Variants in OTOG observed in about 807,000 individuals in gnomAD.
The protein encoded by OTOG is otogelin.
Under a neutral mutation model 313.8 loss-of-function variants are expected in OTOG, and 296 were observed. That is an observed-to-expected ratio of 0.94 (90% CI 0.86 to 1.04). The LOEUF is 1.04. Among genes scored for constraint, OTOG ranks in the 50% least tolerant of loss-of-function variants. The probability of loss-of-function intolerance (pLI) is 0.00; values close to 1 mark genes in which losing one functional copy is unlikely to be tolerated. For synonymous variants in OTOG, 1,533 were observed against 1,554.9 expected (o/e 0.99, Z 0.33); for missense variants, 3,948 against 3,840.1 (o/e 1.03, Z -0.74).
intron 15 of OTOG, among the ~76,000 whole-genome samples, chr11:17,562,046 A>T (rs867346209): frequency 1.6e-4 from 22 of 139,838 alleles, no homozygotes; most frequent in East Asian, 4.1e-4. Flanking sequence ...CTAAAAAAAA[A>T]ATATATATAT....
rs552134946 is a variant in OTOG at position 17,612,167 on chromosome 11, C to G, written c.6129C>G (p.Ile2043Met). ...EANTSTTCVP[I>M]AEQDCVRHIC... ...TTCCTCCACTCTGTACCCAGCCAAT[C>G]GCCGAGCAGGACTGCGTCCGCCACA... is the stretch of plus-strand genomic sequence containing the variant. Residue 2043 changes from isoleucine (I) to methionine (M), a missense_variant, in exon 37 of 56, where the codon ATC becomes ATG. Physicochemically the swap from Ile to Met is conservative, Grantham distance 10. Transcript: ENST00000399397. The G allele has an allele frequency of 9.7e-6, 15 of 1,549,412 alleles. No homozygotes were observed. The East Asian group carries it at 3.2e-4, about 33-fold the overall frequency.
chr11:17,607,769 T>C (rs2134085335), intron 33 of OTOG, among the ~76,000 whole-genome samples: 1 of 152,268 alleles, frequency 6.6e-6, no homozygotes, highest in East Asian at 1.9e-4. Flanking sequence ...CAGGAACGCT[T>C]TGGGCTAGAG....
At chr11:17,619,098 A>G (rs1853801350) in intron 39 of OTOG, among the ~76,000 whole-genome samples, 1 of 152,142 alleles carries the variant, frequency 6.6e-6, no homozygotes, top group Non-Finnish European at 1.5e-5. Flanking sequence ...CACAATCCCT[A>G]CTAAAAATAT....
At chr11:17,638,789 G>T (rs1438279665) in intron 48 of OTOG, 10 of 1,508,638 alleles carry the variant, frequency 6.6e-6, no homozygotes, top group Non-Finnish European at 8.0e-6. Context: ...TCCAAAGAGG[G>T]TTTCCGTCTT....
intron 48 of OTOG, 122 bp downstream of exon 48, chr11:17,638,671 A>G: frequency 6.7e-7 from 1 of 1,493,112 alleles, no homozygotes; most frequent in Admixed American, 2.0e-5. Context: ...CAGGGTCTCT[A>G]GAGGAAGCCA....
intron 38 of OTOG, 88 bp from the exon 39 acceptor site, chr11:17,613,524 G>A (rs975045354): frequency 4.5e-6 from 5 of 1,105,648 alleles, no homozygotes; most frequent in Admixed American, 4.0e-5. Context: ...AGTCAGGGGA[G>A]ACTGTACTCA....
intron 26 of OTOG, 132 bp downstream of exon 26, chr11:17,593,459 C>A (rs555800943): frequency 1.4e-6 from 2 of 1,418,246 alleles, no homozygotes; most frequent in South Asian, 2.8e-5. Context: ...GGAGCCCAGA[C>A]TGAATTCCTC....
In OTOG at chr11:17,608,291, T is replaced by C. The variant is rs1231001348; in HGVS notation, c.4157-5T>C. 4 of 1,520,810 alleles carry C rather than the reference T, an allele frequency of 2.6e-6. No homozygotes were observed. The highest frequency in any genetic ancestry group is 3.5e-6 in the Non-Finnish European group (4 of 1,132,354). The allele number at this position is 1,520,810 out of a possible 1,614,324, so 94.2% of individuals were successfully genotyped here. Reference sequence around the variant, plus strand: ...CCAGAGTTGCTGCCCCATCTCACTTTCTAGATGCCAAGCCCTCGGGGGCTG... The same window carrying C: ...CCAGAGTTGCTGCCCCATCTCACTTCCTAGATGCCAAGCCCTCGGGGGCTG... On this transcript the variant is annotated splice_polypyrimidine_tract_variant and splice_region_variant and intron_variant, in intron 33 of 55. Coordinates refer to ENST00000399397, the MANE Select transcript of OTOG (RefSeq NM_001292063.2).
At chr11:17,561,552 G>C in intron 14 of OTOG, 110 bp from the exon 15 acceptor site, 1 of 1,169,028 alleles carries the variant, frequency 8.6e-7, no homozygotes, top group Non-Finnish European at 1.2e-6. Flanking sequence ...TCCTTATACT[G>C]CTCTTATTCT....
At chr11:17,594,967 G>A (rs936984831) in intron 28 of OTOG, among the ~76,000 whole-genome samples, 2 of 152,216 alleles carry the variant, frequency 1.3e-5, no homozygotes, top group African/African-American at 2.4e-5. Context: ...GACTGTGATC[G>A]ATTATTTATG....
At chr11:17,555,459 A>G (rs918472314) in intron 6 of OTOG, among the ~76,000 whole-genome samples, 2 of 152,070 alleles carry the variant, frequency 1.3e-5, no homozygotes, top group African/African-American at 4.8e-5. Context: ...TTTCCTGGGT[A>G]GGATAAAGAG....
intron 17 of OTOG, among the ~76,000 whole-genome samples, chr11:17,570,993 C>T (rs1852392391): frequency 6.6e-6 from 1 of 152,152 alleles, no homozygotes; most frequent in Admixed American, 6.5e-5. Flanking sequence ...CATATTTGGG[C>T]ACAGACGTAG....
chr11:17,636,954 G>A (rs1481891682), intron 47 of OTOG, among the ~76,000 whole-genome samples: 1 of 152,040 alleles, frequency 6.6e-6, no homozygotes, highest in Non-Finnish European at 1.5e-5. Flanking sequence ...GGACCAAATG[G>A]TCCTTGGTAT....
chr11:17,638,625 C>A, intron 48 of OTOG, 76 bp downstream of exon 48: 2 of 1,498,812 alleles, frequency 1.3e-6, no homozygotes, highest in Admixed American at 2.0e-5. Context: ...GGGAGCCCGG[C>A]CTACCACCGT....
chr11:17,565,004 T>C (rs892709091), intron 15 of OTOG, among the ~76,000 whole-genome samples: 3 of 152,224 alleles, frequency 2.0e-5, no homozygotes, highest in South Asian at 2.1e-4. Flanking sequence ...ATTGCAAAGA[T>C]AGTACCTAGA....
rs1488424373 is a variant in OTOG at position 17,560,749 on chromosome 11, G to A, written c.1383G>A (p.Glu461=). ...ATGGGGGCTGCGTGGCACCAGCTGA[G>A]TGTCCCTGTGAGTTTCACGGGACTC... The part of the protein sequence containing the change: ...FEDGGCVAPA[E]CPCEFHGTLY... Residue 461 remains glutamate, a synonymous_variant, in exon 13 of 56, where the codon GAG becomes GAA. Transcript: ENST00000399397. The A allele has an allele frequency of 1.3e-6, 2 of 1,550,586 alleles. No homozygotes were observed. The highest frequency in any genetic ancestry group is 1.4e-5 in the African/African-American group (1 of 73,040).
intron 53 of OTOG, 144 bp downstream of exon 53, chr11:17,642,390 T>A: frequency 8.6e-7 from 1 of 1,159,526 alleles, no homozygotes; most frequent in Admixed American, 3.0e-5. Context: ...AATCCATATG[T>A]CTCTCTGCAT....
At chr11:17,638,334 T>TG in intron 47 of OTOG, 117 bp from the exon 48 acceptor site, 1 of 865,502 alleles carries the variant, frequency 1.2e-6, no homozygotes, top group Non-Finnish European at 1.8e-6. Flanking sequence ...CTGAGGACAG[T>TG]GGGGGTCACT....
intron 6 of OTOG, among the ~76,000 whole-genome samples, chr11:17,555,264 G>A (rs76515140): frequency 3.3e-3 from 497 of 151,968 alleles, no homozygotes; most frequent in African/African-American, 9.5e-3. Context: ...GATGTGTGCC[G>A]ATGGGTGTAG....
Sources: gnomAD v4.1 joint callset for allele counts (sites outside exome capture counted in the v4.1 genomes callset) on GRCh38, gnomAD v4.1.1 for gene constraint, MANE v1.5 for transcripts, NCBI Gene and HGNC (gene_info 2026-07-23, HGNC 2026-07-21) for gene names.